Variants in CCDC15 observed in about 807,000 individuals in gnomAD.
CCDC15 encodes coiled-coil domain containing 15, also known as coiled-coil domain-containing protein 15.
CCDC15 carries 105 observed loss-of-function variants against 114.5 expected under a neutral mutation model. The observed-to-expected ratio is 0.92, with a 90% CI of 0.78 to 1.08. CCDC15 has a LOEUF of 1.08. Among genes scored for constraint, CCDC15 ranks in the 50% least tolerant of loss-of-function variants. The pLI is 0.00. For synonymous variants in CCDC15, 334 were observed against 377.8 expected (o/e 0.88, Z 1.34); for missense variants, 1,105 against 1,093.6 (o/e 1.01, Z -0.15).
chr11:124,978,219 T>A (rs1003220256), intron 6 of CCDC15, among the ~76,000 whole-genome samples: 12 of 152,220 alleles, frequency 7.9e-5, no homozygotes, highest in Non-Finnish European at 4.4e-5. Flanking sequence ...TGCATAGTAT[T>A]CCATGGTGTA....
intron 11 of CCDC15, among the ~76,000 whole-genome samples, chr11:125,003,224 T>C (rs1948506926): frequency 6.6e-6 from 1 of 151,974 alleles, no homozygotes; most frequent in Admixed American, 6.6e-5. Flanking sequence ...AATTGATTTT[T>C]GTATATTGAT....
At chr11:124,977,719 G>A (rs1265096490) in intron 6 of CCDC15, 119 bp downstream of exon 6, 1 of 1,027,306 alleles carries the variant, frequency 9.7e-7, no homozygotes, top group Non-Finnish European at 1.3e-6. Flanking sequence ...ACTTTATTGA[G>A]ATATAATTCA....
chr11:124,965,491 C>T (rs1425997340), intron 4 of CCDC15, among the ~76,000 whole-genome samples: 1 of 151,948 alleles, frequency 6.6e-6, no homozygotes, highest in Non-Finnish European at 1.5e-5. Flanking sequence ...GGTGATATCC[C>T]CTTTATCATT....
intron 13 of CCDC15, among the ~76,000 whole-genome samples, chr11:125,031,902 AC>A (rs1948741719): frequency 6.6e-6 from 1 of 152,210 alleles, no homozygotes; most frequent in African/African-American, 2.4e-5. Flanking sequence ...GAATGTGTCG[AC>A]AACAAAATCC....
Position 125,040,783 on chromosome 11 carries a change from A to AG in CCDC15, c.*73dup, listed in dbSNP as rs1478446356. On this transcript the variant is annotated 3_prime_UTR_variant, in exon 16 of 16. Transcript: ENST00000344762. ...CATCCCTGAGAGAGTATTTAAGAAA[A>AG]GCTGTTCAAGTTATAAAATATATAA... The AG allele has an allele frequency of 5.4e-5, 71 of 1,303,794 alleles. No homozygotes were observed. The highest frequency in any genetic ancestry group is 1.9e-4 in the Middle Eastern group (1 of 5,222). 80.8% of individuals were successfully genotyped at this position (1,303,794 alleles called of 1,614,324 possible). A position where few individuals can be genotyped will look rare whatever the true frequency, so the allele number is the denominator to read the frequency against.
intron 6 of CCDC15, among the ~76,000 whole-genome samples, chr11:124,986,299 C>T (rs181371367): frequency 5.3e-5 from 8 of 152,218 alleles, no homozygotes. Flanking sequence ...CATCTTTGTT[C>T]TTCTTTTTCA....
At chr11:124,984,770 G>A (rs1948129609) in intron 6 of CCDC15, among the ~76,000 whole-genome samples, 1 of 152,110 alleles carries the variant, frequency 6.6e-6, no homozygotes, top group Admixed American at 6.5e-5. Context: ...ACAAGTCCTG[G>A]TGCACGGTAG....
intron 2 of CCDC15, among the ~76,000 whole-genome samples, chr11:124,958,150 G>A (rs114199976): frequency 0.012 from 1,756 of 152,274 alleles, 35 homozygotes; most frequent in African/African-American, 0.04. Context: ...CCATAATAAT[G>A]ATAAGTGCTG....
chr11:124,994,415 T>C (rs998851320), intron 11 of CCDC15, among the ~76,000 whole-genome samples: 2 of 152,256 alleles, frequency 1.3e-5, no homozygotes, highest in Non-Finnish European at 2.9e-5. Context: ...ATTATTATCC[T>C]AATCCTAAGA....
At chr11:124,986,965 G>T (rs1565366778) in intron 7 of CCDC15, 77 bp downstream of exon 7, 3 of 1,424,082 alleles carry the variant, frequency 2.1e-6, no homozygotes, top group East Asian at 5.1e-5. Context: ...ATTTAGGATT[G>T]TAGATTTAGC....
intron 11 of CCDC15, among the ~76,000 whole-genome samples, chr11:124,998,547 A>G (rs1262377524): frequency 6.6e-6 from 1 of 152,170 alleles, no homozygotes; most frequent in Non-Finnish European, 1.5e-5. Flanking sequence ...AACCTTTCAC[A>G]GTCTACTTTG....
chr11:125,034,500 G>A (rs192053267), intron 13 of CCDC15, among the ~76,000 whole-genome samples: 37 of 152,306 alleles, frequency 2.4e-4, no homozygotes, highest in African/African-American at 8.2e-4. Context: ...GAGGCTCAGT[G>A]TCTGCTTCTG....
intron 6 of CCDC15, among the ~76,000 whole-genome samples, chr11:124,982,037 T>C (rs1948081066): frequency 6.6e-6 from 1 of 152,248 alleles, no homozygotes; most frequent in Non-Finnish European, 1.5e-5. Flanking sequence ...TTTACTATTA[T>C]GTAATACCCT....
chr11:124,995,657 A>G (rs1428108007), intron 11 of CCDC15, among the ~76,000 whole-genome samples: 1 of 152,180 alleles, frequency 6.6e-6, no homozygotes, highest in Non-Finnish European at 1.5e-5. Context: ...ATACATAAAC[A>G]TAATTATGCA....
chr11:124,997,015 G>A (rs983637348), intron 11 of CCDC15, among the ~76,000 whole-genome samples: 41 of 152,118 alleles, frequency 2.7e-4, no homozygotes, highest in African/African-American at 9.7e-4. Context: ...CTTTTGCTCA[G>A]CATAATGTTT....
At position 125,005,787 on chromosome 11, in the gene CCDC15, G is replaced by T. The variant is rs185876692; in HGVS notation, c.2411+575G>T. 1.2e-4 allele frequency among the ~76,000 whole-genome samples: 18 copies of T among 152,174 alleles called. No homozygotes were observed. The East Asian group carries it at 3.5e-3, about 29-fold the overall frequency. On this transcript the variant is annotated intron_variant, in intron 13 of 15. Transcript: ENST00000344762. Reference sequence around the variant, plus strand: ...TCCATGGTTTTGCCTTTTCCAGAACGTCATATAGTTGGAATCATACAGTAT... The same window carrying T: ...TCCATGGTTTTGCCTTTTCCAGAACTTCATATAGTTGGAATCATACAGTAT...
At chr11:125,021,495 T>A (rs1213818954) in intron 13 of CCDC15, among the ~76,000 whole-genome samples, 1 of 151,810 alleles carries the variant, frequency 6.6e-6, no homozygotes, top group Non-Finnish European at 1.5e-5. Flanking sequence ...TCTAAGGGTT[T>A]TTTGCCTCCT....
chr11:125,011,257 G>A (rs1226608007), intron 13 of CCDC15, among the ~76,000 whole-genome samples: 2 of 106,846 alleles, frequency 1.9e-5, no homozygotes, highest in African/African-American at 4.4e-5. Flanking sequence ...TATTTTTTAA[G>A]ATGGAGTTTC....
At chr11:125,011,239 A>ATTTTTTTTTT (rs1398467750) in intron 13 of CCDC15, among the ~76,000 whole-genome samples, 15 of 135,136 alleles carry the variant, frequency 1.1e-4, no homozygotes, top group African/African-American at 4.1e-4. Flanking sequence ...TATTATTATT[A>ATTTTTTTTTT]TTATTATTAT....
Sources: allele counts gnomAD v4.1 joint callset (sites outside exome capture counted in the v4.1 genomes callset), GRCh38; gene constraint gnomAD v4.1.1; transcripts MANE v1.5; gene names NCBI Gene and HGNC (gene_info 2026-07-23, HGNC 2026-07-21).